Variants in TFEC observed in about 807,000 individuals in gnomAD.
TFEC encodes class E basic helix-loop-helix protein 34.
Under a neutral mutation model 41.6 loss-of-function variants are expected in TFEC, and 31 were observed. The observed-to-expected ratio is 0.74, with a 90% CI of 0.56 to 1.01. The LOEUF (loss-of-function observed/expected upper bound fraction) is 1.01. Among genes scored for constraint, TFEC ranks in the 50% least tolerant of loss-of-function variants. TFEC has a pLI of 0.00. For synonymous variants in TFEC, 143 were observed against 140.6 expected (o/e 1.02, Z -0.12); for missense variants, 402 against 404.1 (o/e 0.99, Z 0.04).
At chr7:116,026,324 C>T (rs1486068113) in intron 1 of TFEC, among the ~76,000 whole-genome samples, 12 of 152,228 alleles carry the variant, frequency 7.9e-5, no homozygotes, top group African/African-American at 1.4e-4. Context: ...ATATGCTTCA[C>T]CCATCTTCTC....
intron 1 of TFEC, among the ~76,000 whole-genome samples, chr7:116,154,841 A>C (rs1021374094): frequency 6.6e-6 from 1 of 152,124 alleles, no homozygotes; most frequent in Non-Finnish European, 1.5e-5. Context: ...GAAATCGCGG[A>C]TCTTCCTCTC....
chr7:115,990,490 G>C (rs1346399853), intron 1 of TFEC, among the ~76,000 whole-genome samples: 2 of 152,154 alleles, frequency 1.3e-5, no homozygotes, highest in Non-Finnish European at 2.9e-5. Flanking sequence ...CTTGAAAAGA[G>C]ATTAGACGAA....
intron 1 of TFEC, among the ~76,000 whole-genome samples, chr7:116,022,698 T>C (rs759727447): frequency 3.2e-4 from 49 of 152,214 alleles, no homozygotes; most frequent in Non-Finnish European, 5.7e-4. Context: ...TTGTAATGTA[T>C]TCGACTTCTT....
chr7:116,125,762 G>T (rs1167178514), intron 1 of TFEC, among the ~76,000 whole-genome samples: 4 of 152,186 alleles, frequency 2.6e-5, no homozygotes. Context: ...AAGAGGGTAA[G>T]GTTGGTGCCT....
chr7:116,035,573 G>A (rs1795890482), upstream of TFEC, among the ~76,000 whole-genome samples: 1 of 151,846 alleles, frequency 6.6e-6, no homozygotes, highest in Non-Finnish European at 1.5e-5. Context: ...AAATGAAAAA[G>A]CATAGCCAAA....
intron 1 of TFEC, among the ~76,000 whole-genome samples, chr7:116,012,949 CATA>C (rs1795057670): frequency 6.6e-6 from 1 of 151,170 alleles, no homozygotes; most frequent in South Asian, 2.1e-4. Context: ...TCATTTTTAT[CATA>C]ATAAAATGTC....
At chr7:116,126,218 C>G (rs891488398) in intron 1 of TFEC, among the ~76,000 whole-genome samples, 5 of 151,914 alleles carry the variant, frequency 3.3e-5, no homozygotes, top group Non-Finnish European at 7.4e-5. Flanking sequence ...AATTGATAAC[C>G]TCAAAATAAA....
intron 3 of TFEC, among the ~76,000 whole-genome samples, chr7:116,038,377 T>C (rs1334671036): frequency 2.6e-5 from 4 of 151,956 alleles, no homozygotes; most frequent in African/African-American, 9.7e-5. Context: ...CCTAAAACTA[T>C]TTTTAGAAAA....
intron 1 of TFEC, among the ~76,000 whole-genome samples, chr7:116,135,026 G>C (rs1036592732): frequency 3.3e-5 from 5 of 151,986 alleles, no homozygotes; most frequent in African/African-American, 1.2e-4. Context: ...ATTTTGAAAT[G>C]CGTCAAAACT....
chr7:116,079,059 G>C (rs1797027519), intron 3 of TFEC, among the ~76,000 whole-genome samples: 1 of 151,724 alleles, frequency 6.6e-6, no homozygotes, highest in Admixed American at 6.6e-5. Flanking sequence ...GATGACATAA[G>C]AGGAATTAAA....
At chr7:115,946,362 A>G (rs2130273636) in intron 6 of TFEC, among the ~76,000 whole-genome samples, 1 of 150,676 alleles carries the variant, frequency 6.6e-6, no homozygotes, top group South Asian at 2.2e-4. Context: ...ATTCGGATTT[A>G]GAGAAAAAGT....
chr7:115,987,655 A>G (rs1390399392), intron 1 of TFEC, among the ~76,000 whole-genome samples: 1 of 152,158 alleles, frequency 6.6e-6, no homozygotes, highest in Non-Finnish European at 1.5e-5. Flanking sequence ...TTCATGGGCA[A>G]GGACTGTATT....
chr7:116,018,655 G>C (rs1795282698), intron 1 of TFEC, among the ~76,000 whole-genome samples: 1 of 152,176 alleles, frequency 6.6e-6, no homozygotes, highest in Non-Finnish European at 1.5e-5. Context: ...AAGATTTTAA[G>C]TTTTTATTAG....
At position 116,029,759 on chromosome 7, in the gene TFEC, TCTA is replaced by T. The variant is rs1366008521; in HGVS notation, c.-73+871_-73+873del. Among the ~76,000 whole-genome samples, 12 of 152,082 alleles carry T rather than the reference TCTA, an allele frequency of 7.9e-5. No individual in the cohort carries two copies. In the East Asian group the frequency reaches 2.3e-3, roughly 29 times the overall value. On this transcript the variant is annotated intron_variant, in intron 1 of 7. Transcript: ENST00000265440. ...TCATATGTATCTTAATCTTAAAGTT[TCTA>T]CTACAACTCTTTTGATTATTACAAT...
intron 1 of TFEC, among the ~76,000 whole-genome samples, chr7:116,131,413 C>T (rs1798329948): frequency 6.6e-6 from 1 of 152,168 alleles, no homozygotes; most frequent in South Asian, 2.1e-4. Context: ...ACAATTCTAT[C>T]ATCCATAACA....
At chr7:116,139,700 A>G (rs1355599943) in intron 1 of TFEC, among the ~76,000 whole-genome samples, 1 of 152,204 alleles carries the variant, frequency 6.6e-6, no homozygotes, top group Non-Finnish European at 1.5e-5. Context: ...AGGAGATTAT[A>G]TTTGTGTCCT....
chr7:115,992,367 T>G (rs1253590131), intron 1 of TFEC, among the ~76,000 whole-genome samples: 1 of 151,970 alleles, frequency 6.6e-6, no homozygotes, highest in African/African-American at 2.4e-5. Context: ...AGAGCAGAAC[T>G]GAAGGAAATA....
At chr7:115,991,156 C>T (rs1204094324) in intron 1 of TFEC, among the ~76,000 whole-genome samples, 1 of 152,132 alleles carries the variant, frequency 6.6e-6, no homozygotes, top group Non-Finnish European at 1.5e-5. Context: ...AAATAAAATC[C>T]TTTACAGACA....
At chr7:115,985,764 A>T (rs1363047059) in intron 1 of TFEC, among the ~76,000 whole-genome samples, 1 of 152,164 alleles carries the variant, frequency 6.6e-6, no homozygotes, top group East Asian at 1.9e-4. Flanking sequence ...ATTACTAATT[A>T]TATTGCTATG....
Sources: allele counts gnomAD v4.1 joint callset (sites outside exome capture counted in the v4.1 genomes callset), GRCh38; gene constraint gnomAD v4.1.1; transcripts MANE v1.5; gene names NCBI Gene and HGNC (gene_info 2026-07-23, HGNC 2026-07-21).